The following RPS6KC1 variants were observed in gnomAD, a reference collection of about 807,000 sequenced individuals.
RPS6KC1 encodes the protein ribosomal protein S6 kinase C1, also known as inactive ribosomal protein S6 kinase delta-1.
A neutral mutation model predicts 103.8 loss-of-function variants in RPS6KC1; 54 were observed. The observed-to-expected ratio is 0.52, with a 90% CI of 0.42 to 0.65. The LOEUF (loss-of-function observed/expected upper bound fraction) is 0.65, where lower values mean the gene tolerates loss of function less well. Ranked by LOEUF, RPS6KC1 falls within the 30% of genes least tolerant of loss-of-function variation. The pLI, the probability that RPS6KC1 is intolerant of heterozygous loss-of-function variation, is 0.00. For missense variants in RPS6KC1, 1,151 were observed against 1,253.8 expected, an observed-to-expected ratio of 0.92 and a Z score of 1.24; for synonymous variants, 439 against 438.7, an observed-to-expected ratio of 1.00 and a Z score of -0.01.
At chr1:213,493,825 G>T in the RPS6KC1 span, among the ~76,000 whole-genome samples, 1 of 152,226 alleles carries the variant, frequency 6.6e-6, no homozygotes, top group African/African-American at 2.4e-5. Flanking sequence ...CAGAGAGCAA[G>T]TGTGTTCTAG....
intron 3 of RPS6KC1, among the ~76,000 whole-genome samples, chr1:213,079,949 T>G (rs1391183915): frequency 1.2e-4 from 18 of 148,322 alleles, no homozygotes; most frequent in Admixed American, 3.4e-4. Context: ...GAAATTTCAC[T>G]CTTGTCACCC....
At chr1:213,359,549 CATTTACATTTAAAGTTAAT>C in the RPS6KC1 span, among the ~76,000 whole-genome samples, 3 of 152,102 alleles carry the variant, frequency 2.0e-5, no homozygotes, top group Admixed American at 2.0e-4. Context: ...GCATTTAGCC[CATTTACATTTAAAGTTAAT>C]ATTGTTATGT....
At chr1:213,735,050 A>T in the RPS6KC1 span, among the ~76,000 whole-genome samples, 3 of 152,094 alleles carry the variant, frequency 2.0e-5, no homozygotes, top group African/African-American at 7.2e-5. Context: ...CAGCCTCCCC[A>T]GTGGCTGGGA....
the RPS6KC1 span, among the ~76,000 whole-genome samples, chr1:213,320,910 C>G: frequency 1.1e-4 from 17 of 152,314 alleles, no homozygotes; most frequent in Non-Finnish European, 1.9e-4. Context: ...CCCCCTTTCC[C>G]CTGCTCTGTT....
the RPS6KC1 span, among the ~76,000 whole-genome samples, chr1:213,341,157 A>C: frequency 6.6e-6 from 1 of 152,180 alleles, no homozygotes; most frequent in African/African-American, 2.4e-5. Context: ...ATAGACCTCT[A>C]TGCCTTCTGC....
At chr1:213,669,783 CA>C in the RPS6KC1 span, among the ~76,000 whole-genome samples, 1 of 152,136 alleles carries the variant, frequency 6.6e-6, no homozygotes, top group Non-Finnish European at 1.5e-5. Context: ...GTAATTTGTT[CA>C]AGATTCCGAC....
chr1:213,124,028 C>T (rs1388589874), intron 5 of RPS6KC1, among the ~76,000 whole-genome samples: 1 of 152,084 alleles, frequency 6.6e-6, no homozygotes, highest in African/African-American at 2.4e-5. Context: ...ACTATACTGC[C>T]CTACTCTGAG....
the RPS6KC1 span, among the ~76,000 whole-genome samples, chr1:213,334,668 G>C: frequency 6.6e-6 from 1 of 152,160 alleles, no homozygotes; most frequent in African/African-American, 2.4e-5. Flanking sequence ...CAGGGCCTTC[G>C]ACAGGGTCTG....
intron 6 of RPS6KC1, among the ~76,000 whole-genome samples, chr1:213,162,070 C>T (rs1014012273): frequency 6.6e-6 from 1 of 152,150 alleles, no homozygotes; most frequent in African/African-American, 2.4e-5. Context: ...TATTCCTTCT[C>T]ATAAGGAAAA....
At chr1:213,317,499 C>T in the RPS6KC1 span, among the ~76,000 whole-genome samples, 5 of 152,320 alleles carry the variant, frequency 3.3e-5, no homozygotes, top group African/African-American at 1.2e-4. Context: ...GTGATCCTAT[C>T]TGGGATCAAG....
the RPS6KC1 span, among the ~76,000 whole-genome samples, chr1:213,369,141 T>C: frequency 6.6e-6 from 1 of 152,218 alleles, no homozygotes; most frequent in South Asian, 2.1e-4. Context: ...GAGGAGTCAG[T>C]ATGCTACAGA....
chr1:213,756,334 C>T, the RPS6KC1 span, among the ~76,000 whole-genome samples: 1 of 152,176 alleles, frequency 6.6e-6, no homozygotes, highest in Non-Finnish European at 1.5e-5. Context: ...GCCTTAGTGT[C>T]TTAACATTTG....
At chr1:213,285,210 G>T in the RPS6KC1 span, among the ~76,000 whole-genome samples, 1 of 151,562 alleles carries the variant, frequency 6.6e-6, no homozygotes, top group Non-Finnish European at 1.5e-5. Context: ...TCCTCACACA[G>T]GGGAGAGCAG....
At chr1:213,123,698 T>C (rs1174158204) in intron 5 of RPS6KC1, among the ~76,000 whole-genome samples, 2 of 152,210 alleles carry the variant, frequency 1.3e-5, no homozygotes, top group Non-Finnish European at 2.9e-5. Flanking sequence ...ACCTTTGTTC[T>C]ACTGGCTAGA....
intron 8 of RPS6KC1, among the ~76,000 whole-genome samples, chr1:213,190,969 T>C (rs1365708031): frequency 2.0e-5 from 3 of 152,220 alleles, no homozygotes; most frequent in Non-Finnish European, 4.4e-5. Flanking sequence ...GATATATGAC[T>C]TTATCTGTGG....
the RPS6KC1 span, among the ~76,000 whole-genome samples, chr1:213,601,386 ATATT>A: frequency 1.4e-5 from 2 of 147,874 alleles, no homozygotes; most frequent in East Asian, 3.9e-4. Context: ...AATATATTAT[ATATT>A]TATATTTGTA....
the RPS6KC1 span, among the ~76,000 whole-genome samples, chr1:213,431,011 TG>T: frequency 6.7e-6 from 1 of 149,130 alleles, no homozygotes; most frequent in Non-Finnish European, 1.5e-5. Flanking sequence ...AGAAATGGGT[TG>T]GGGGTGGGGG....
chr1:213,741,539 A>G, the RPS6KC1 span, among the ~76,000 whole-genome samples: 3 of 151,766 alleles, frequency 2.0e-5, no homozygotes, highest in Non-Finnish European at 4.4e-5. Context: ...GCTGGAAAAA[A>G]AAAATCATCT....
At chr1:213,316,179 G>C in the RPS6KC1 span, among the ~76,000 whole-genome samples, 2 of 152,202 alleles carry the variant, frequency 1.3e-5, no homozygotes, top group African/African-American at 4.8e-5. Flanking sequence ...TTTATAAGTG[G>C]CAGTTTCCCC....
Sources: gnomAD v4.1 joint callset for allele counts (sites outside exome capture counted in the v4.1 genomes callset) on GRCh38, gnomAD v4.1.1 for gene constraint, MANE v1.5 for transcripts, NCBI Gene and HGNC (gene_info 2026-07-23, HGNC 2026-07-21) for gene names.